The following ADPRHL1 variants were observed in gnomAD, a reference collection of about 807,000 sequenced individuals.
ADPRHL1 encodes inactive ADP-ribosyltransferase ARH2.
In ADPRHL1, 43 loss-of-function variants were observed where a neutral mutation model predicts 44.1. That is an observed-to-expected ratio of 0.98 (90% CI 0.76 to 1.26). The LOEUF is 1.26. Among genes scored for constraint, ADPRHL1 ranks in the 50% most tolerant of loss-of-function variants. The pLI is 0.00. For missense variants in ADPRHL1, 2,022 were observed against 2,496.9 expected (o/e 0.81, Z 4.05); for synonymous variants, 878 against 1,017.4 (o/e 0.86, Z 2.61).
chr13:113,451,434 C>T (rs564890526), intron 1 of ADPRHL1, among the ~76,000 whole-genome samples: 1 of 152,088 alleles, frequency 6.6e-6, no homozygotes, highest in Non-Finnish European at 1.5e-5. Context: ...GACCCACAAA[C>T]TAGACGCTGC....
At chr13:113,451,063 C>T (rs544337634) in intron 1 of ADPRHL1, among the ~76,000 whole-genome samples, 95 of 152,152 alleles carry the variant, frequency 6.2e-4, no homozygotes, top group African/African-American at 1.3e-3. Context: ...ACGCTGGCGT[C>T]ACAGCTAGAC....
intron 7 of ADPRHL1, 116 bp downstream of exon 7, chr13:113,422,710 G>A (rs2043934304): frequency 1.5e-6 from 2 of 1,354,220 alleles, no homozygotes; most frequent in Non-Finnish European, 2.0e-6. Context: ...GGCCAGTCAG[G>A]CACAGACCGC....
intron 1 of ADPRHL1, among the ~76,000 whole-genome samples, chr13:113,447,254 G>T (rs1167260463): frequency 8.0e-5 from 8 of 99,442 alleles, no homozygotes; most frequent in Admixed American, 2.1e-4. Flanking sequence ...GCGTCTACAC[G>T]CACGGTGTTG....
At position 113,409,191 on chromosome 13, in the gene ADPRHL1, G is replaced by C. The variant is rs2043832344; in HGVS notation, c.1062-971C>G. 1 of 589,248 alleles carries C rather than the reference G, an allele frequency of 1.7e-6. No individual in the cohort carries two copies. The highest frequency in any genetic ancestry group is 8.6e-4 in the Middle Eastern group (1 of 1,160). The allele number at this position is 589,248 out of a possible 1,614,324, so 36.5% of individuals were successfully genotyped here. A position where few individuals can be genotyped will look rare whatever the true frequency, so the allele number is the denominator to read the frequency against. On this transcript the variant is annotated intron_variant, in intron 7 of 7. Coordinates refer to ENST00000612156, the MANE Select transcript of ADPRHL1 (RefSeq NM_001394807.1). This position sits in a 1 kb window ranked among gnomAD's most constrained non-coding sequence, Gnocchi z 4.2. The stretch of plus-strand genomic sequence containing the variant: ...AGAGACAGGGTCTTTGTGATTTGAT[G>C]GTGTTTTCTGAGCCTGGGTCCGGGG...
Position 113,407,814 on chromosome 13 carries a change from T to G in ADPRHL1, c.1468A>C (p.Lys490Gln). ...CCGGCCGGGTGGCCCCAGCGGGGCT[T>G]CTCGCTGAGGCAGGGCTTTGGGGCC... Reference protein sequence around the residue: ...EPAPKPCLSEKPRWGHPAGKS... With the variant: ...EPAPKPCLSEQPRWGHPAGKS... Residue 490 changes from lysine to glutamine, a missense_variant, in exon 8 of 8, where the codon AAG becomes CAG. Physicochemically the swap from Lys to Gln is moderately conservative, Grantham distance 53. This residue lies in a region of ADPRHL1 where 1,221 missense variants were observed against 1,517.8 expected (regional missense o/e 0.80). Transcript: ENST00000612156. 8.1e-6 allele frequency: 10 copies of G among 1,231,962 alleles called. No homozygotes were observed. The highest frequency in any genetic ancestry group is 1.0e-5 in the Non-Finnish European group (10 of 987,986). 76.3% of individuals were successfully genotyped at this position (1,231,962 alleles called of 1,614,324 possible).
chr13:113,444,255 G>A (rs981701502), intron 2 of ADPRHL1, among the ~76,000 whole-genome samples, 170 bp downstream of exon 2: 14 of 152,078 alleles, frequency 9.2e-5, no homozygotes, highest in Admixed American at 2.0e-4. Flanking sequence ...ACAGACGCCC[G>A]CACTGGCCGG....
rs549396607 is a variant in ADPRHL1, at chr13:113,400,443, C to T, written c.*2935G>A. 4 of 148,694 alleles carry T rather than the reference C, an allele frequency of 2.7e-5. No homozygotes were observed. Among genetic ancestry groups the T allele is most frequent in the South Asian group, 2.1e-4 (1 of 4,704 alleles). The allele number at this position is 148,694 out of a possible 1,614,324, so 9.2% of individuals were successfully genotyped here. ...ACAGGCATGAGCCACCGTGCCCGGC[C>T]ACTTTCTTTCTTTCTTTTTTTTTTT... On this transcript the variant is annotated 3_prime_UTR_variant, in exon 8 of 8. Transcript: ENST00000612156.
intron 1 of ADPRHL1, among the ~76,000 whole-genome samples, chr13:113,446,696 C>A (rs1236196316): frequency 6.6e-6 from 1 of 151,888 alleles, no homozygotes; most frequent in African/African-American, 2.4e-5. Context: ...ATTGTCTGTC[C>A]TGCATGTATG....
chr13:113,440,890 T>C (rs1328492113), intron 2 of ADPRHL1, among the ~76,000 whole-genome samples: 1 of 152,192 alleles, frequency 6.6e-6, no homozygotes, highest in Non-Finnish European at 1.5e-5. Flanking sequence ...CAGTGGCTTA[T>C]GCCTGTAATC....
At chr13:113,451,083 A>C (rs541292460) in intron 1 of ADPRHL1, among the ~76,000 whole-genome samples, 4,410 of 152,220 alleles carry the variant, frequency 0.029, 71 homozygotes, top group Non-Finnish European at 0.035. Context: ...CCAAGGAGCC[A>C]TCTGGTGGCC....
chr13:113,407,456 C>A lies in ADPRHL1; in HGVS notation c.1826G>T (p.Arg609Leu), dbSNP rs1318444410. Reference sequence around the variant, plus strand: ...GGGCTCAGCCGTGCAGGCCAGAAAGCGGGCAGGGGGCATCTTGACGCAGGT... The same window carrying A: ...GGGCTCAGCCGTGCAGGCCAGAAAGAGGGCAGGGGGCATCTTGACGCAGGT... ...ASTCVKMPPA[R>L]FLACTAEPLP... The change falls in exon 8 of 8, where the codon CGC becomes CTC. Residue 609 changes from arginine (R) to leucine (L), a missense_variant. Physicochemically the swap from Arg to Leu is moderately radical, Grantham distance 102. Transcript: ENST00000612156. 3.2e-6 allele frequency: 4 copies of A among 1,231,898 alleles called. No homozygotes were observed. Among genetic ancestry groups the A allele is most frequent in the Non-Finnish European group, 4.0e-6 (4 of 988,006 alleles). The allele number at this position is 1,231,898 out of a possible 1,614,324, so 76.3% of individuals were successfully genotyped here.
In ADPRHL1 at chr13:113,405,391, C is replaced by CTT. The variant is rs2043800377; in HGVS notation, c.3889_3890dup (p.Gly1298ArgfsTer31). On this transcript the variant is annotated frameshift_variant, in exon 8 of 8. Coordinates refer to ENST00000612156, the MANE Select transcript of ADPRHL1 (RefSeq NM_001394807.1). LOFTEE classifies it low-confidence loss of function (END_TRUNC). ...GGGGAAACCTGACGCCCTCCCTGCC[C>CTT]TTTGCCTGTGGGTTCTCAGGAGGCG... 3 of 1,231,984 alleles carry CTT rather than the reference C, an allele frequency of 2.4e-6. No homozygotes were observed. The East Asian group carries it at 9.5e-5, about 39-fold the overall frequency. 76.3% of individuals were successfully genotyped at this position (1,231,984 alleles called of 1,614,324 possible). A position where few individuals can be genotyped will look rare whatever the true frequency, so the allele number is the denominator to read the frequency against.
rs9943931 is a variant in ADPRHL1 at position 113,415,424 on chromosome 13, C to T, written c.1062-7204G>A. On this transcript the variant is annotated intron_variant, in intron 7 of 7. Coordinates refer to ENST00000612156, the MANE Select transcript of ADPRHL1 (RefSeq NM_001394807.1). ...CAGGCGTGGGCTCAGTGGCCGGCTCCAGGCGACCAGGCAGGGTCCACCGAA... is the reference window on the plus strand; with the variant it reads ...CAGGCGTGGGCTCAGTGGCCGGCTCTAGGCGACCAGGCAGGGTCCACCGAA... 7.9e-3 allele frequency among the ~76,000 whole-genome samples: 1,209 copies of T among 152,282 alleles called. 20 individuals carry two copies. Among genetic ancestry groups the T allele is most frequent in the African/African-American group, 0.028 (1,158 of 41,560 alleles).
intron 7 of ADPRHL1, among the ~76,000 whole-genome samples, chr13:113,413,505 G>A (rs376159450): frequency 1.7e-4 from 26 of 152,342 alleles, no homozygotes; most frequent in Non-Finnish European, 2.6e-4. Context: ...CGACTCCCGC[G>A]TGGGGCTCTG....
rs551605017 is a variant in ADPRHL1, at chr13:113,406,198, C to T, written c.3084G>A (p.Pro1028=). The stretch of plus-strand genomic sequence containing the variant: ...CTGTTGGGTTTCTCCCAGTCGGGGA[C>T]GGCACTTGCTGGCTGCTGGAGGCAT... ...TSHASSSQQV[P]SPTGRNPTGA... Residue 1028 remains proline, a synonymous_variant, in exon 8 of 8, where the codon CCG becomes CCA. Transcript: ENST00000612156. 7.5e-4 allele frequency: 920 copies of T among 1,232,010 alleles called. 1 individual carries two copies. The highest frequency in any genetic ancestry group is 8.7e-4 in the Non-Finnish European group (859 of 988,022). 76.3% of individuals were successfully genotyped at this position (1,232,010 alleles called of 1,614,324 possible).
In ADPRHL1 at chr13:113,400,470, TTTA is replaced by T. The variant is rs2043752252; in HGVS notation, c.*2905_*2907del. 2.1e-5 allele frequency: 3 copies of T among 140,006 alleles called. No homozygotes were observed. The highest frequency in any genetic ancestry group is 2.9e-5 in the African/African-American group (1 of 34,942). 8.7% of individuals were successfully genotyped at this position (140,006 alleles called of 1,614,324 possible). On this transcript the variant is annotated 3_prime_UTR_variant, in exon 8 of 8. Transcript: ENST00000612156. ...CTTTCTTTCTTTCTTTTTTTTTTTT[TTTA>T]AAAAAACAAAACAACTTTGGGTTTT...
chr13:113,442,812 A>G (rs1315524289), intron 2 of ADPRHL1, among the ~76,000 whole-genome samples: 1 of 152,174 alleles, frequency 6.6e-6, no homozygotes, highest in Non-Finnish European at 1.5e-5. Flanking sequence ...TGTGCTGAGG[A>G]CGCAGACACA....
chr13:113,426,198 C>A (rs530375629), intron 4 of ADPRHL1, among the ~76,000 whole-genome samples: 1 of 152,326 alleles, frequency 6.6e-6, no homozygotes, highest in Non-Finnish European at 1.5e-5. Context: ...AGCTACACAC[C>A]CTACAGACCA....
chr13:113,424,970 C>T (rs76924517), intron 5 of ADPRHL1, 82 bp downstream of exon 5: 3 of 1,545,218 alleles, frequency 1.9e-6, no homozygotes, highest in Non-Finnish European at 2.7e-6. Context: ...ACCTACCCAC[C>T]CACCCATCCA....
Sources: gnomAD v4.1 joint callset for allele counts (sites outside exome capture counted in the v4.1 genomes callset) on GRCh38, gnomAD v4.1.1 for gene constraint, gnomAD v4.1.1 regional missense constraint, Gnocchi (gnomAD v3.1) non-coding constraint, MANE v1.5 for transcripts, NCBI Gene and HGNC (gene_info 2026-07-23, HGNC 2026-07-21) for gene names.